The following CNOT6 variants were observed in gnomAD, a reference collection of about 807,000 sequenced individuals.
The protein encoded by CNOT6 is carbon catabolite repression 4 protein.
CNOT6 carries 12 observed loss-of-function variants against 61.2 expected under a neutral mutation model. The observed-to-expected ratio is 0.20, with a 90% CI of 0.13 to 0.32. The LOEUF is 0.32. Among genes scored for constraint, CNOT6 ranks in the 10% least tolerant of loss-of-function variants. The pLI is 1.00. For missense variants in CNOT6, 405 were observed against 663.9 expected (o/e 0.61, Z 4.28); for synonymous variants, 225 against 240.6 (o/e 0.94, Z 0.60).
chr5:180,523,849 T>A (rs1757974907), intron 1 of CNOT6, among the ~76,000 whole-genome samples: 1 of 152,186 alleles, frequency 6.6e-6, no homozygotes, highest in South Asian at 2.1e-4. Flanking sequence ...CTTTAAATGT[T>A]CCTGGATAGT....
chr5:180,513,581 C>A (rs989883214), intron 1 of CNOT6, among the ~76,000 whole-genome samples: 2 of 151,830 alleles, frequency 1.3e-5, no homozygotes, highest in African/African-American at 4.8e-5. Context: ...ACCATATTGG[C>A]CAGGCTGGTC....
intron 2 of CNOT6, among the ~76,000 whole-genome samples, chr5:180,536,873 A>G (rs1363809405): frequency 3.9e-5 from 6 of 152,168 alleles, no homozygotes; most frequent in Non-Finnish European, 5.9e-5. Context: ...TTCCTGTCTT[A>G]ATTTTACAAA....
In CNOT6 at chr5:180,578,204, A is replaced by G. The variant is rs1039628811; in HGVS notation, c.*4004A>G. 16 of 152,592 alleles carry G rather than the reference A, an allele frequency of 1.0e-4. No homozygotes were observed. Among genetic ancestry groups the G allele is most frequent in the Admixed American group, 1.0e-3 (16 of 15,280 alleles). The allele number at this position is 152,592 out of a possible 1,614,324, so 9.5% of individuals were successfully genotyped here. A position where few individuals can be genotyped will look rare whatever the true frequency, so the allele number is the denominator to read the frequency against. Reference sequence around the variant, plus strand: ...ACACTCATATCTTTGCCAAAGTTCAATTTTATATTTAGGCAACTGATGGTC... The same window carrying G: ...ACACTCATATCTTTGCCAAAGTTCAGTTTTATATTTAGGCAACTGATGGTC... On this transcript the variant is annotated 3_prime_UTR_variant, in exon 12 of 12. Transcript: ENST00000261951.
chr5:180,499,051 A>G (rs917504866), intron 1 of CNOT6, among the ~76,000 whole-genome samples: 11 of 152,162 alleles, frequency 7.2e-5, no homozygotes, highest in Non-Finnish European at 1.5e-4. Flanking sequence ...TTGGCCTCCC[A>G]AAGTGCTGGG....
At chr5:180,517,378 C>T (rs1456249998) in intron 1 of CNOT6, among the ~76,000 whole-genome samples, 1 of 152,154 alleles carries the variant, frequency 6.6e-6, no homozygotes, top group Non-Finnish European at 1.5e-5. Context: ...ATCTGCTCAC[C>T]TCAGCCTCCT....
chr5:180,496,338 A>G (rs1756613945), intron 1 of CNOT6, among the ~76,000 whole-genome samples: 1 of 152,046 alleles, frequency 6.6e-6, no homozygotes, highest in Non-Finnish European at 1.5e-5. Context: ...GAGAAGACAG[A>G]CCTTTCTAGG....
intron 1 of CNOT6, among the ~76,000 whole-genome samples, chr5:180,518,112 G>C (rs779784789): frequency 1.3e-5 from 2 of 151,954 alleles, no homozygotes; most frequent in Non-Finnish European, 2.9e-5. Flanking sequence ...TTTTGTTTTG[G>C]CTTGATTTTT....
chr5:180,527,746 A>G (rs940071806), intron 1 of CNOT6, among the ~76,000 whole-genome samples: 3 of 152,156 alleles, frequency 2.0e-5, no homozygotes, highest in Non-Finnish European at 4.4e-5. Context: ...TAGGTCTTGT[A>G]GCCCAAGGGT....
At chr5:180,570,373 TAAAAGAG>T (rs1554104054) in intron 10 of CNOT6, among the ~76,000 whole-genome samples, 1 of 151,764 alleles carries the variant, frequency 6.6e-6, no homozygotes, top group Non-Finnish European at 1.5e-5. Context: ...AATATGATAA[TAAAAGAG>T]AGAGAAAGAA....
In CNOT6 at chr5:180,526,709, A is replaced by T. The variant is rs532969193; in HGVS notation, c.-2-2566A>T. Among the ~76,000 whole-genome samples the T allele has an allele frequency of 2.9e-4, 44 of 152,326 alleles. No individual in the cohort carries two copies. The South Asian group carries it at 2.9e-3, about 10-fold the overall frequency. On this transcript the variant is annotated intron_variant, in intron 1 of 11. Coordinates refer to ENST00000261951, the MANE Select transcript of CNOT6 (RefSeq NM_001370472.1). ...TATGTTTAGCTGCATGGGTATACAG[A>T]GTAGGTAGACAATTGGTTAAACCAG... is the stretch of plus-strand genomic sequence containing the variant.
At position 180,533,311 on chromosome 5, in the gene CNOT6, C is replaced by CATATATATATATATAT. The variant is rs1305701783; in HGVS notation, c.112+3923_112+3924insATATATATATATATAT. Reference sequence around the variant, plus strand: ...AGGAACCAGGAACCATGGATGAAAACCTATATATATATATATATATATATA... The same window carrying CATATATATATATATAT: ...AGGAACCAGGAACCATGGATGAAAACATATATATATATATATCTATATATATATATATATATATATA... On this transcript the variant is annotated intron_variant, in intron 2 of 11. Transcript: ENST00000261951. Among the ~76,000 whole-genome samples the CATATATATATATATAT allele has an allele frequency of 3.5e-3, 226 of 65,132 alleles. 1 individual carries two copies. Among genetic ancestry groups the CATATATATATATATAT allele is most frequent in the Non-Finnish European group, 6.3e-3 (189 of 30,004 alleles). The allele number at this position is 65,132 out of a possible 152,430, so 42.7% of individuals were successfully genotyped here.
chr5:180,502,772 CAG>C (rs139005230), intron 1 of CNOT6, among the ~76,000 whole-genome samples: 2,275 of 152,254 alleles, frequency 0.015, 49 homozygotes, highest in African/African-American at 0.051. Flanking sequence ...AAAAACCAAA[CAG>C]AGATGAAGAT....
chr5:180,502,802 A>C (rs910436847), intron 1 of CNOT6, among the ~76,000 whole-genome samples: 1 of 152,228 alleles, frequency 6.6e-6, no homozygotes, highest in African/African-American at 2.4e-5. Context: ...GACTAAGTTA[A>C]ATCAAAAATT....
intron 1 of CNOT6, among the ~76,000 whole-genome samples, chr5:180,505,748 CTG>C (rs1361684752): frequency 2.0e-5 from 3 of 152,028 alleles, no homozygotes; most frequent in Non-Finnish European, 4.4e-5. Context: ...CGGGGTTTCA[CTG>C]TGTTAGCCAG....
intron 1 of CNOT6, among the ~76,000 whole-genome samples, chr5:180,496,679 A>G (rs946191875): frequency 1.3e-5 from 2 of 152,192 alleles, no homozygotes; most frequent in Non-Finnish European, 1.5e-5. Flanking sequence ...AGTAACATAT[A>G]TAAAGTCTGT....
At chr5:180,559,447 T>C (rs755298412) in intron 4 of CNOT6, among the ~76,000 whole-genome samples, 7 of 152,216 alleles carry the variant, frequency 4.6e-5, no homozygotes, top group Non-Finnish European at 8.8e-5. Context: ...TGATCAACTT[T>C]TGCATTATAT....
chr5:180,496,934 A>G (rs1756637010), intron 1 of CNOT6, among the ~76,000 whole-genome samples: 1 of 152,238 alleles, frequency 6.6e-6, no homozygotes, highest in South Asian at 2.1e-4. Flanking sequence ...GGAAATTTCA[A>G]ACTTTTGAGC....
intron 10 of CNOT6, among the ~76,000 whole-genome samples, chr5:180,570,172 A>G (rs754115822): frequency 3.3e-5 from 5 of 152,186 alleles, no homozygotes; most frequent in Non-Finnish European, 7.3e-5. Flanking sequence ...AACCTGGCCA[A>G]CATGGTGAAA....
chr5:180,515,911 A>C lies in CNOT6; in HGVS notation c.-2-13364A>C, dbSNP rs569519038. On this transcript the variant is annotated intron_variant, in intron 1 of 11. Transcript: ENST00000261951. ...GATGTCAAATTCAAGATTAAAAAAA[A>C]AAATTTTCTTTTTGAGATCAGGGTC... Among the ~76,000 whole-genome samples the C allele has an allele frequency of 7.9e-5, 12 of 152,280 alleles. No homozygotes were observed. In the South Asian group the frequency reaches 2.5e-3, roughly 32 times the overall value.
Sources: allele counts gnomAD v4.1 joint callset (sites outside exome capture counted in the v4.1 genomes callset), GRCh38; gene constraint gnomAD v4.1.1; transcripts MANE v1.5; gene names NCBI Gene and HGNC (gene_info 2026-07-23, HGNC 2026-07-21).